Variants in ZNF462 observed in about 807,000 individuals in gnomAD.
ZNF462 encodes the protein zinc finger protein 462.
Under a neutral mutation model 201.9 loss-of-function variants are expected in ZNF462, and 10 were observed. The observed-to-expected ratio is 0.05, with a 90% CI of 0.03 to 0.08. The LOEUF (loss-of-function observed/expected upper bound fraction) is 0.08. ZNF462 is among the 10% of genes least tolerant of loss of function. The pLI, the probability that ZNF462 is intolerant of heterozygous loss-of-function variation, is 1.00. For missense variants in ZNF462, 2,523 were observed against 3,168.3 expected (o/e 0.80, Z 4.89); for synonymous variants, 1,227 against 1,193.3 (o/e 1.03, Z -0.58).
chr9:106,900,635 C>G (rs1829025835), intron 1 of ZNF462, among the ~76,000 whole-genome samples: 1 of 152,086 alleles, frequency 6.6e-6, no homozygotes. Context: ...TTTCCCTGAT[C>G]ATTAGTGATG....
At position 106,924,464 on chromosome 9, in the gene ZNF462, T is replaced by C; in HGVS notation, c.552T>C (p.Tyr184=). 3 of 1,614,058 alleles carry C rather than the reference T, an allele frequency of 1.9e-6. No individual in the cohort carries two copies. The highest frequency in any genetic ancestry group is 2.5e-6 in the Non-Finnish European group (3 of 1,180,014). Residue 184 remains tyrosine (Y), a synonymous_variant, in exon 3 of 13, where the codon TAT becomes TAC. Coordinates refer to ENST00000277225, the MANE Select transcript of ZNF462 (RefSeq NM_021224.6). The surrounding 1 kb of genome is among the most constrained non-coding windows in gnomAD (Gnocchi z 6.2). ...GAATAATTAAGCATCAGAAGATGTA[T>C]CACAAAAACAATTTGAAGGAGACCA... The part of the protein sequence containing the change: ...RARIIKHQKM[Y]HKNNLKETTA...
intron 9 of ZNF462, among the ~76,000 whole-genome samples, chr9:106,980,288 C>G (rs568303047): frequency 6.6e-6 from 1 of 152,176 alleles, no homozygotes; most frequent in Non-Finnish European, 1.5e-5. Context: ...ATAGCTTTCT[C>G]TAATACTCAG....
intron 7 of ZNF462, among the ~76,000 whole-genome samples, chr9:106,955,398 T>A (rs1410622635): frequency 6.6e-6 from 1 of 152,190 alleles, no homozygotes; most frequent in Non-Finnish European, 1.5e-5. Flanking sequence ...AATGATTTAT[T>A]GCTAAAAAAT....
At chr9:106,907,191 T>C (rs1029351788) in intron 1 of ZNF462, among the ~76,000 whole-genome samples, 2 of 152,204 alleles carry the variant, frequency 1.3e-5, no homozygotes, top group Non-Finnish European at 2.9e-5. Flanking sequence ...CTGGATTTTA[T>C]TTTGAATTTC....
In ZNF462 at chr9:106,895,193, C is replaced by T. The variant is rs1828757712; in HGVS notation, c.-30-28161C>T. ...AAATTCAGTTAAAAGTATCATTTTCCATTTATTACCAAAGAGTAGACTGTT... is the reference window on the plus strand; with the variant it reads ...AAATTCAGTTAAAAGTATCATTTTCTATTTATTACCAAAGAGTAGACTGTT... On this transcript the variant is annotated intron_variant, in intron 1 of 12. Transcript: ENST00000277225. The surrounding 1 kb of genome is among the most constrained non-coding windows in gnomAD (Gnocchi z 4.4). 6.6e-6 allele frequency among the ~76,000 whole-genome samples: 1 copy of T among 152,206 alleles called. No homozygotes were observed. Among genetic ancestry groups the T allele is most frequent in the Non-Finnish European group, 1.5e-5 (1 of 68,006 alleles).
rs1390364995 is a variant in ZNF462 at position 107,010,573 on chromosome 9, A to G, written c.7314-250A>G. ...AAAGAAAACATGGGATAATCAATAT[A>G]TAGTATAATAATGGATACTTCTGTA... On this transcript the variant is annotated intron_variant, in intron 12 of 12. Coordinates refer to ENST00000277225, the MANE Select transcript of ZNF462 (RefSeq NM_021224.6). This position sits in a 1 kb window ranked among gnomAD's most constrained non-coding sequence, Gnocchi z 4.6. 3.9e-5 allele frequency among the ~76,000 whole-genome samples: 6 copies of G among 152,170 alleles called. No homozygotes were observed. The highest frequency in any genetic ancestry group is 7.4e-5 in the Non-Finnish European group (5 of 68,026).
chr9:106,874,464 C>T (rs112518798), intron 1 of ZNF462, among the ~76,000 whole-genome samples: 36 of 152,246 alleles, frequency 2.4e-4, no homozygotes, highest in African/African-American at 7.2e-4. Context: ...TGGGAATTTG[C>T]GAACACATTC....
chr9:106,961,179 A>G (rs1481332516), intron 7 of ZNF462, among the ~76,000 whole-genome samples: 1 of 152,092 alleles, frequency 6.6e-6, no homozygotes, highest in Non-Finnish European at 1.5e-5. Flanking sequence ...TGATGGGTGA[A>G]AAAAATGAGG....
At chr9:106,960,861 T>C (rs1831803254) in intron 7 of ZNF462, among the ~76,000 whole-genome samples, 1 of 152,140 alleles carries the variant, frequency 6.6e-6, no homozygotes, top group Non-Finnish European at 1.5e-5. Context: ...GTTTCTTCAT[T>C]GGTTACCTGG....
chr9:106,994,498 AT>A lies in ZNF462; in HGVS notation c.7057-8787del, dbSNP rs200853269. Among the ~76,000 whole-genome samples, 9 of 151,114 alleles carry A rather than the reference AT, an allele frequency of 6.0e-5. No individual in the cohort carries two copies. The South Asian group carries it at 6.3e-4, about 11-fold the overall frequency. On this transcript the variant is annotated intron_variant, in intron 10 of 12. Coordinates refer to ENST00000277225, the MANE Select transcript of ZNF462 (RefSeq NM_021224.6). ...AATCATAAAACACACCTTTGGCCAC[AT>A]TTTTTTTTGGATTGCTTTTTATTTC...
In ZNF462 at chr9:106,918,155, G is replaced by A. The variant is rs185954467; in HGVS notation, c.-30-5199G>A. Among the ~76,000 whole-genome samples the A allele has an allele frequency of 6.5e-4, 99 of 152,144 alleles. 1 individual carries two copies. The East Asian group carries it at 0.01, about 16-fold the overall frequency. ...CTCCCAAAGTGCTGGAATTACAGGC[G>A]TGAGCCACCACGCCCTGCCTGCTGG... On this transcript the variant is annotated intron_variant, in intron 1 of 12. Transcript: ENST00000277225.
Position 106,950,642 on chromosome 9 carries a change from A to G in ZNF462, c.6427+11535A>G, listed in dbSNP as rs142002038. Reference sequence around the variant, plus strand: ...CAGGCAGACAGTGAAGTGTAAGTGCAGTTCCCTATTAGCACATTAAAATTG... The same window carrying G: ...CAGGCAGACAGTGAAGTGTAAGTGCGGTTCCCTATTAGCACATTAAAATTG... On this transcript the variant is annotated intron_variant, in intron 7 of 12. Transcript: ENST00000277225. The surrounding 1 kb of genome is among the most constrained non-coding windows in gnomAD (Gnocchi z 4.1). Among the ~76,000 whole-genome samples, 280 of 152,340 alleles carry G rather than the reference A, an allele frequency of 1.8e-3. No homozygotes were observed. The highest frequency in any genetic ancestry group is 6.3e-3 in the African/African-American group (261 of 41,586).
In ZNF462 at chr9:106,886,552, G is replaced by T. The variant is rs921328167; in HGVS notation, c.-31+23197G>T. ...AATGTCAGCTACAAAAAAAATAGAA[G>T]AGATAGGGTCTGAAAAGGAAGGAGC... On this transcript the variant is annotated intron_variant, in intron 1 of 12. Transcript: ENST00000277225. This position sits in a 1 kb window ranked among gnomAD's most constrained non-coding sequence, Gnocchi z 4.6. 6.6e-6 allele frequency among the ~76,000 whole-genome samples: 1 copy of T among 152,110 alleles called. No homozygotes were observed. The highest frequency in any genetic ancestry group is 2.4e-5 in the African/African-American group (1 of 41,424).
Position 106,929,316 on chromosome 9 carries a change from A to C in ZNF462, c.5404A>C (p.Lys1802Gln). 1 of 1,614,130 alleles carries C rather than the reference A, an allele frequency of 6.2e-7. No individual in the cohort carries two copies. The highest frequency in any genetic ancestry group is 8.5e-7 in the Non-Finnish European group (1 of 1,180,024). ...GTTCCCAAAGAAGCAGCACGCCAGC[A>C]AGTTGGGGGGCTACTTCACGGCCGT... Reference protein sequence around the residue: ...GVFPKKQHASKLGGYFTAVYA... With the variant: ...GVFPKKQHASQLGGYFTAVYA... The change falls in exon 3 of 13, where the codon AAG (lysine) becomes CAG (glutamine). Residue 1802 changes from lysine (K) to glutamine (Q), a missense_variant. This residue lies in a region of ZNF462 where 207 missense variants were observed against 231.6 expected (regional missense o/e 0.89). Coordinates refer to ENST00000277225, the MANE Select transcript of ZNF462 (RefSeq NM_021224.6). This position sits in a 1 kb window ranked among gnomAD's most constrained non-coding sequence, Gnocchi z 8.7.
At chr9:106,955,759 CG>C (rs1466654220) in intron 7 of ZNF462, among the ~76,000 whole-genome samples, 1 of 152,140 alleles carries the variant, frequency 6.6e-6, no homozygotes, top group African/African-American at 2.4e-5. Context: ...CAACAGTGTT[CG>C]CAACATCTTC....
intron 1 of ZNF462, among the ~76,000 whole-genome samples, chr9:106,878,494 CTATT>C (rs1827936263): frequency 6.6e-6 from 1 of 152,236 alleles, no homozygotes; most frequent in Admixed American, 6.5e-5. Context: ...GCCCATACGT[CTATT>C]CATTCATTGA....
Position 107,011,837 on chromosome 9 carries a change from T to C in ZNF462, c.*807T>C, listed in dbSNP as rs930524902. The C allele has an allele frequency of 1.3e-5, 2 of 152,150 alleles. No homozygotes were observed. Among genetic ancestry groups the C allele is most frequent in the Admixed American group, 6.5e-5 (1 of 15,272 alleles). The allele number at this position is 152,150 out of a possible 1,614,324, so 9.4% of individuals were successfully genotyped here. A position where few individuals can be genotyped will look rare whatever the true frequency, so the allele number is the denominator to read the frequency against. On this transcript the variant is annotated 3_prime_UTR_variant, in exon 13 of 13. Coordinates refer to ENST00000277225, the MANE Select transcript of ZNF462 (RefSeq NM_021224.6). This position sits in a 1 kb window ranked among gnomAD's most constrained non-coding sequence, Gnocchi z 5.6. ...GTGAATTGTCATCCTTTATTCCAGG[T>C]AAGCTGTTTATTAGTGTTCAACTAT...
In ZNF462 at chr9:106,929,744, T is replaced by A; in HGVS notation, c.5832T>A (p.Asp1944Glu). The change falls in exon 3 of 13, where the codon GAT becomes GAA. Residue 1944 changes from aspartate (D) to glutamate (E), a missense_variant. Asp to Glu is a conservative substitution (Grantham distance 45). Coordinates refer to ENST00000277225, the MANE Select transcript of ZNF462 (RefSeq NM_021224.6). The surrounding 1 kb of genome is among the most constrained non-coding windows in gnomAD (Gnocchi z 8.7). ...AATATGCAGATGGTGCTTTTGCAGA[T>A]TTCAAACAAGAGAGGGTAAGGATAT... The part of the protein sequence containing the change: ...KQKYADGAFA[D>E]FKQERPFGHL... 6.2e-7 allele frequency: 1 copy of A among 1,612,992 alleles called. No individual in the cohort carries two copies. The highest frequency in any genetic ancestry group is 8.5e-7 in the Non-Finnish European group (1 of 1,179,426).
intron 7 of ZNF462, among the ~76,000 whole-genome samples, chr9:106,943,636 A>G (rs1394583362): frequency 3.3e-5 from 5 of 152,116 alleles, no homozygotes; most frequent in Non-Finnish European, 5.9e-5. Context: ...ACTGGCCCCA[A>G]ACTACTCTTA....
Sources: gnomAD v4.1 joint callset for allele counts (sites outside exome capture counted in the v4.1 genomes callset) on GRCh38, gnomAD v4.1.1 for gene constraint, gnomAD v4.1.1 regional missense constraint, Gnocchi (gnomAD v3.1) non-coding constraint, MANE v1.5 for transcripts, NCBI Gene and HGNC (gene_info 2026-07-23, HGNC 2026-07-21) for gene names.